Variants in GRIK4 observed in about 807,000 individuals in gnomAD.
The protein encoded by GRIK4 is glutamate ionotropic receptor kainate type subunit 4.
Under a neutral mutation model 104.9 loss-of-function variants are expected in GRIK4, and 40 were observed. The ratio of observed to expected loss-of-function variants is 0.38; its 90% CI spans 0.30 to 0.50. GRIK4 has a LOEUF of 0.50. Ranked by LOEUF, GRIK4 falls within the 20% of genes least tolerant of loss-of-function variation. The probability of loss-of-function intolerance (pLI) is 0.93; values close to 1 mark genes in which losing one functional copy is unlikely to be tolerated. For synonymous variants in GRIK4, 485 were observed against 524.9 expected, an observed-to-expected ratio of 0.92 and a Z score of 1.04; for missense variants, 1,047 against 1,308.1, an observed-to-expected ratio of 0.80 and a Z score of 3.08.
intron 3 of GRIK4, among the ~76,000 whole-genome samples, chr11:120,762,685 A>G (rs927783270): frequency 1.3e-5 from 2 of 152,144 alleles, no homozygotes; most frequent in Non-Finnish European, 2.9e-5. Flanking sequence ...TTCTGCATCT[A>G]TTGAGATAAT....
chr11:120,688,626 A>G (rs1428391246), intron 3 of GRIK4, among the ~76,000 whole-genome samples: 1 of 152,234 alleles, frequency 6.6e-6, no homozygotes, highest in African/African-American at 2.4e-5. Context: ...ATGGGTGAGT[A>G]GCAGCATTTT....
intron 3 of GRIK4, among the ~76,000 whole-genome samples, chr11:120,741,067 C>T (rs1951320976): frequency 6.6e-6 from 1 of 152,108 alleles, no homozygotes; most frequent in Non-Finnish European, 1.5e-5. Context: ...AACCCCACTG[C>T]TGTGCTGTCT....
intron 1 of GRIK4, among the ~76,000 whole-genome samples, chr11:120,631,935 G>A (rs1417251016): frequency 6.6e-6 from 1 of 152,144 alleles, no homozygotes; most frequent in Admixed American, 6.5e-5. Context: ...GGTGATCCCA[G>A]GTTTGAAGTC....
intron 13 of GRIK4, among the ~76,000 whole-genome samples, chr11:120,927,332 C>T (rs1943370213): frequency 6.6e-6 from 1 of 152,048 alleles, no homozygotes; most frequent in African/African-American, 2.4e-5. Context: ...TTTGGGAGGC[C>T]AAGGCAGGCT....
intron 3 of GRIK4, among the ~76,000 whole-genome samples, chr11:120,756,070 C>T (rs1951645736): frequency 6.6e-6 from 1 of 152,150 alleles, no homozygotes; most frequent in African/African-American, 2.4e-5. Flanking sequence ...AGCTTGGTGT[C>T]CCTCATCAGG....
At position 120,969,273 on chromosome 11, in the gene GRIK4, T is replaced by TG. The variant is rs371587495; in HGVS notation, c.2395+1957dup. On this transcript the variant is annotated intron_variant, in intron 19 of 20. Coordinates refer to ENST00000527524, the MANE Select transcript of GRIK4 (RefSeq NM_014619.5). ...TCTCCTTGTTCAGAGTAAAAGAAAA[T>TG]GGGGGGGATGCAGAAAAAAGTGTCA... is the stretch of plus-strand genomic sequence containing the variant. 6.4e-3 allele frequency among the ~76,000 whole-genome samples: 971 copies of TG among 151,254 alleles called. 11 individuals are homozygous for TG. The highest frequency in any genetic ancestry group is 0.022 in the African/African-American group (905 of 41,120).
chr11:120,890,756 T>A (rs1029739548), intron 11 of GRIK4, among the ~76,000 whole-genome samples: 3 of 152,126 alleles, frequency 2.0e-5, no homozygotes, highest in African/African-American at 7.2e-5. Context: ...AATAACAAGG[T>A]TGTTGTGCAG....
intron 3 of GRIK4, among the ~76,000 whole-genome samples, chr11:120,784,736 C>T (rs879460959): frequency 1.1e-4 from 16 of 152,026 alleles, no homozygotes; most frequent in Non-Finnish European, 1.8e-4. Context: ...CCAGCTGCCC[C>T]GCTGAGCTTG....
At chr11:120,884,438 A>G (rs1196489932) in intron 11 of GRIK4, among the ~76,000 whole-genome samples, 1 of 152,122 alleles carries the variant, frequency 6.6e-6, no homozygotes, top group Non-Finnish European at 1.5e-5. Context: ...GGGCCAGGTC[A>G]CTCTGGCTGT....
chr11:120,670,062 C>A (rs11822142), intron 3 of GRIK4, among the ~76,000 whole-genome samples: 11,648 of 152,244 alleles, frequency 0.077, 1,196 homozygotes, highest in African/African-American at 0.23. Flanking sequence ...AGGCTCCAAA[C>A]CTTGGAGTCA....
chr11:120,933,980 G>A (rs1171275230), intron 13 of GRIK4, among the ~76,000 whole-genome samples: 1 of 152,040 alleles, frequency 6.6e-6, no homozygotes, highest in African/African-American at 2.4e-5. Flanking sequence ...CAAGGCGGGT[G>A]GATCACGAGG....
At chr11:120,641,564 G>T (rs1318232749) in intron 1 of GRIK4, among the ~76,000 whole-genome samples, 1 of 152,182 alleles carries the variant, frequency 6.6e-6, no homozygotes, top group Non-Finnish European at 1.5e-5. Flanking sequence ...ACCATATAGG[G>T]TAACTTCCTG....
intron 1 of GRIK4, among the ~76,000 whole-genome samples, chr11:120,520,546 G>A (rs539010430): frequency 2.4e-4 from 37 of 152,342 alleles, no homozygotes; most frequent in African/African-American, 8.2e-4. Flanking sequence ...CTGAGCTGCC[G>A]AGTCTGAGCA....
rs767712459 is a variant in GRIK4 at position 120,986,017 on chromosome 11, C to T, written c.2628C>T (p.Pro876=). The T allele has an allele frequency of 1.2e-5, 18 of 1,526,640 alleles. No homozygotes were observed. The South Asian group carries it at 2.1e-4, about 18-fold the overall frequency. 94.6% of individuals were successfully genotyped at this position (1,526,640 alleles called of 1,614,324 possible). ...TCCCGCCGCCCCGGCCCCCCATCCCCGAGGAGCGCCGACCGCGGGGCACGG... is the reference window on the plus strand; with the variant it reads ...TCCCGCCGCCCCGGCCCCCCATCCCTGAGGAGCGCCGACCGCGGGGCACGG... ...AAVPPPRPPI[P]EERRPRGTAT... Residue 876 remains proline (P), a synonymous_variant, in exon 21 of 21, where the codon CCC becomes CCT. Coordinates refer to ENST00000527524, the MANE Select transcript of GRIK4 (RefSeq NM_014619.5).
intron 1 of GRIK4, among the ~76,000 whole-genome samples, chr11:120,586,871 G>A (rs1034067990): frequency 6.6e-6 from 1 of 152,172 alleles, no homozygotes; most frequent in African/African-American, 2.4e-5. Flanking sequence ...GCTGCCCCAG[G>A]CATAGTAGTG....
chr11:120,935,241 G>A (rs549708195), intron 13 of GRIK4, among the ~76,000 whole-genome samples: 12 of 152,280 alleles, frequency 7.9e-5, no homozygotes, highest in African/African-American at 1.9e-4. Context: ...GCCTAAGGTC[G>A]TGATGAGGTT....
intron 3 of GRIK4, among the ~76,000 whole-genome samples, chr11:120,783,512 A>C (rs1170999938): frequency 2.0e-5 from 3 of 150,370 alleles, no homozygotes; most frequent in Non-Finnish European, 3.0e-5. Context: ...CCCCCATTTA[A>C]CAGCCCATTA....
At chr11:120,927,096 T>G (rs759972097) in intron 13 of GRIK4, among the ~76,000 whole-genome samples, 1 of 152,016 alleles carries the variant, frequency 6.6e-6, no homozygotes, top group Non-Finnish European at 1.5e-5. Context: ...TGTTCAGAAA[T>G]CAGGATGGGG....
chr11:120,707,881 A>C (rs567467063), intron 3 of GRIK4, among the ~76,000 whole-genome samples: 1 of 152,198 alleles, frequency 6.6e-6, no homozygotes, highest in Non-Finnish European at 1.5e-5. Flanking sequence ...TCCTCACAAC[A>C]TGGTAGCTGA....
Sources: gnomAD v4.1 joint callset for allele counts (sites outside exome capture counted in the v4.1 genomes callset) on GRCh38, gnomAD v4.1.1 for gene constraint, MANE v1.5 for transcripts, NCBI Gene and HGNC (gene_info 2026-07-23, HGNC 2026-07-21) for gene names.